SREBF2: variants seen among roughly 807,000 people sequenced by gnomAD.
The protein encoded by SREBF2 is sterol regulatory element-binding protein 2.
Under a neutral mutation model 113.1 loss-of-function variants are expected in SREBF2, and 55 were observed. The ratio of observed to expected loss-of-function variants is 0.49; its 90% CI spans 0.39 to 0.61. SREBF2 has a LOEUF of 0.61. SREBF2 is among the 20% of genes least tolerant of loss of function. The probability of loss-of-function intolerance (pLI) is 0.00; values close to 1 mark genes in which losing one functional copy is unlikely to be tolerated. For synonymous variants in SREBF2, 593 were observed against 605.7 expected, an observed-to-expected ratio of 0.98 and a Z score of 0.31; for missense variants, 1,349 against 1,487.4, an observed-to-expected ratio of 0.91 and a Z score of 1.53.
chr22:41,880,892 G>GGCCACGCCA lies in SREBF2; in HGVS notation c.1944_1952dup (p.Pro649_Thr651dup), dbSNP rs2077239127. On this transcript the variant is annotated inframe_insertion, in exon 10 of 19. Transcript: ENST00000361204. The stretch of plus-strand genomic sequence containing the variant: ...TCAAGAAAGTCTTCCAGTGCCGGCG[G>GGCCACGCCA]GCCACGCCAGCCACTGAGGCAGGCT... 6.2e-7 allele frequency: 1 copy of GGCCACGCCA among 1,612,552 alleles called. No homozygotes were observed. Among genetic ancestry groups the GGCCACGCCA allele is most frequent in the African/African-American group, 1.3e-5 (1 of 74,934 alleles).
chr22:41,866,811 T>C lies in SREBF2; in HGVS notation c.89-20T>C. On this transcript the variant is annotated intron_variant, in intron 1 of 18. Transcript: ENST00000361204. The stretch of plus-strand genomic sequence containing the variant: ...ACTTTTTGGATAGCAATAAAATTAC[T>C]CCTTTTCTTTTGTTCACAGAGATGC... 4.3e-6 allele frequency: 7 copies of C among 1,613,832 alleles called. No individual in the cohort carries two copies. Among genetic ancestry groups the C allele is most frequent in the Non-Finnish European group, 5.9e-6 (7 of 1,179,672 alleles).
Position 41,877,298 on chromosome 22 carries a change from G to A in SREBF2, c.1456G>A (p.Val486Ile), listed in dbSNP as rs760544481. 5.6e-6 allele frequency: 9 copies of A among 1,614,100 alleles called. No individual in the cohort carries two copies. The African/African-American group carries it at 1.2e-4, about 22-fold the overall frequency. ...AGACCGCTCACGGATTCTTCTGTGTGTCCTCACCTTCCTGTGCCTCTCCTT... is the reference window on the plus strand; with the variant it reads ...AGACCGCTCACGGATTCTTCTGTGTATCCTCACCTTCCTGTGCCTCTCCTT... ...MVDRSRILLC[V>I]LTFLCLSFNP... The change falls in exon 8 of 19, where the codon GTC (valine) becomes ATC (isoleucine). Residue 486 changes from valine to isoleucine, a missense_variant. Around this residue, in one of 2 missense-constraint regions of SREBF2, gnomAD observed 699 missense variants for 843.3 expected, o/e 0.83. Transcript: ENST00000361204.
intron 1 of SREBF2, among the ~76,000 whole-genome samples, chr22:41,864,261 T>TATATACAC (rs1204150898): frequency 6.3e-4 from 32 of 51,004 alleles, no homozygotes; most frequent in Admixed American, 1.0e-3. Flanking sequence ...TATATATATA[T>TATATACAC]ACACACACAC....
intron 4 of SREBF2, among the ~76,000 whole-genome samples, chr22:41,873,449 G>A (rs541682641): frequency 1.3e-5 from 2 of 152,274 alleles, no homozygotes; most frequent in South Asian, 2.1e-4. Context: ...GTGCCAACTC[G>A]TGGTTCACCG....
At chr22:41,895,979 A>C (rs1471857522) in intron 13 of SREBF2, among the ~76,000 whole-genome samples, 1 of 151,942 alleles carries the variant, frequency 6.6e-6, no homozygotes, top group Non-Finnish European at 1.5e-5. Flanking sequence ...CCGTCTACTA[A>C]AAATACAAAA....
intron 4 of SREBF2, among the ~76,000 whole-genome samples, chr22:41,872,817 G>C (rs560120059): frequency 9.2e-5 from 14 of 151,996 alleles, no homozygotes; most frequent in Non-Finnish European, 4.4e-5. Flanking sequence ...CTTGAACCAG[G>C]GGGGTGCAGG....
Position 41,880,848 on chromosome 22 carries a change from C to T in SREBF2, c.1894C>T (p.Arg632Cys), listed in dbSNP as rs946088810. 9 of 1,613,976 alleles carry T rather than the reference C, an allele frequency of 5.6e-6. No homozygotes were observed. Among genetic ancestry groups the T allele is most frequent in the African/African-American group, 4.0e-5 (3 of 74,952 alleles). Reference protein sequence around the residue: ...NVIRYSLQKLRLVRWLLKKVF... With the variant: ...NVIRYSLQKLCLVRWLLKKVF... ...GATCCGCTACAGCCTGCAGAAGCTA[C>T]GCCTGGTGCGCTGGCTGCTCAAGAA... The change falls in exon 10 of 19, where the codon CGC becomes TGC. Residue 632 changes from arginine to cysteine, a missense_variant. Around this residue, in one of 2 missense-constraint regions of SREBF2, gnomAD observed 699 missense variants for 843.3 expected, o/e 0.83. Transcript: ENST00000361204.
At chr22:41,896,717 G>A (rs2077419649) in intron 13 of SREBF2, among the ~76,000 whole-genome samples, 1 of 152,342 alleles carries the variant, frequency 6.6e-6, no homozygotes, top group Non-Finnish European at 1.5e-5. Context: ...AGGAGAGGGG[G>A]AGGGGGCAGT....
In SREBF2 at chr22:41,892,732, G is replaced by A. The variant is rs1006979637; in HGVS notation, c.2209-385G>A. On this transcript the variant is annotated intron_variant, in intron 11 of 18. Coordinates refer to ENST00000361204, the MANE Select transcript of SREBF2 (RefSeq NM_004599.4). ...GGCTTGGCACTCTCGGGGCCGAGGG[G>A]AAAGTACAGCAGCCAGGGGGCCCCT... Among the ~76,000 whole-genome samples the A allele has an allele frequency of 2.0e-4, 31 of 152,292 alleles. No individual in the cohort carries two copies. In the East Asian group the frequency reaches 2.9e-3, roughly 14 times the overall value.
rs368892957 is a variant in SREBF2, at chr22:41,877,380, C to T, written c.1538C>T (p.Pro513Leu). 3.7e-6 allele frequency: 6 copies of T among 1,614,022 alleles called. No individual in the cohort carries two copies. In the African/African-American group the frequency reaches 8.0e-5, roughly 22 times the overall value. The change falls in exon 8 of 19, where the codon CCA becomes CTA. Residue 513 changes from proline (P) to leucine (L), a missense_variant. Pro to Leu is a moderately conservative substitution (Grantham distance 98). This residue lies in a region of SREBF2 where 699 missense variants were observed against 843.3 expected (regional missense o/e 0.83). Transcript: ENST00000361204. ...WGGAHDSDQH[P>L]HSGSGRSVLS... Reference sequence around the variant, plus strand: ...GGGGCCCACGACTCTGACCAGCACCCACACTCAGGCTCTGGCCGCAGTGTC... The same window carrying T: ...GGGGCCCACGACTCTGACCAGCACCTACACTCAGGCTCTGGCCGCAGTGTC...
chr22:41,845,139 C>T (rs1255361924), intron 1 of SREBF2, among the ~76,000 whole-genome samples: 1 of 152,010 alleles, frequency 6.6e-6, no homozygotes, highest in Non-Finnish European at 1.5e-5. Flanking sequence ...ACATGTTGGC[C>T]ATGCTGGTCT....
At chr22:41,876,749 A>G (rs933710855) in intron 7 of SREBF2, among the ~76,000 whole-genome samples, 7 of 152,256 alleles carry the variant, frequency 4.6e-5, no homozygotes. Context: ...GAGTTTTAAC[A>G]TAATGTACAG....
chr22:41,896,520 C>T lies in SREBF2; in HGVS notation c.2496-532C>T, dbSNP rs867680590. On this transcript the variant is annotated intron_variant, in intron 13 of 18. Transcript: ENST00000361204. The stretch of plus-strand genomic sequence containing the variant: ...AATTACAGGCACGCGCCACCATGCC[C>T]GACTCATTTTTGTATTTCTTGGTAG... Among the ~76,000 whole-genome samples the T allele has an allele frequency of 4.6e-5, 7 of 152,214 alleles. No homozygotes were observed. The South Asian group carries it at 1.2e-3, about 27-fold the overall frequency.
In SREBF2 at chr22:41,833,449, C is replaced by T. The variant is rs1212150377; in HGVS notation, c.88+91C>T. ...GGGTGCGCGTGCGCCCACCCCCCGA[C>T]AGCCCCGGTTCGCGCGGGAAGAACC... On this transcript the variant is annotated intron_variant, in intron 1 of 18. Transcript: ENST00000361204. The surrounding 1 kb of genome is among the most constrained non-coding windows in gnomAD (Gnocchi z 4.1). 7.7e-6 allele frequency: 9 copies of T among 1,175,596 alleles called. No homozygotes were observed. In the East Asian group the frequency reaches 2.0e-4, roughly 26 times the overall value. The allele number at this position is 1,175,596 out of a possible 1,614,324, so 72.8% of individuals were successfully genotyped here.
intron 10 of SREBF2, among the ~76,000 whole-genome samples, chr22:41,883,294 T>C (rs2077267293): frequency 6.6e-6 from 1 of 152,158 alleles, no homozygotes; most frequent in Non-Finnish European, 1.5e-5. Context: ...GATACCTTGA[T>C]GGCAGTAAGG....
At chr22:41,843,226 G>C (rs750063176) in intron 1 of SREBF2, among the ~76,000 whole-genome samples, 1 of 152,184 alleles carries the variant, frequency 6.6e-6, no homozygotes, top group African/African-American at 2.4e-5. Flanking sequence ...GACTCATCCT[G>C]TTCTTTATTA....
At chr22:41,844,027 A>AAAAACACACACAC (rs1225137438) in intron 1 of SREBF2, among the ~76,000 whole-genome samples, 1 of 45,910 alleles carries the variant, frequency 2.2e-5, no homozygotes. Flanking sequence ...AAAAAAAAAA[A>AAAAACACACACAC]ATACATACAC....
chr22:41,891,873 C>T (rs537909070), intron 11 of SREBF2, among the ~76,000 whole-genome samples: 2 of 152,272 alleles, frequency 1.3e-5, no homozygotes, highest in African/African-American at 2.4e-5. Context: ...GTGAAAATAC[C>T]CTCACTCAAA....
intron 12 of SREBF2, among the ~76,000 whole-genome samples, chr22:41,894,203 TG>T (rs2077390108): frequency 6.6e-6 from 1 of 152,144 alleles, no homozygotes; most frequent in Non-Finnish European, 1.5e-5. Context: ...TCCCTCCTCC[TG>T]GTCATTAGAT....
Sources: gnomAD v4.1 joint callset for allele counts (sites outside exome capture counted in the v4.1 genomes callset) on GRCh38, gnomAD v4.1.1 for gene constraint, gnomAD v4.1.1 regional missense constraint, Gnocchi (gnomAD v3.1) non-coding constraint, MANE v1.5 for transcripts, NCBI Gene and HGNC (gene_info 2026-07-23, HGNC 2026-07-21) for gene names.